Variants in HMBOX1 observed in about 807,000 individuals in gnomAD.
The protein encoded by HMBOX1 is homeobox containing 1.
In HMBOX1, 14 loss-of-function variants were observed where a neutral mutation model predicts 54.5. The observed-to-expected ratio is 0.26, with a 90% CI of 0.17 to 0.40. The LOEUF is 0.40. HMBOX1 is among the 10% of genes least tolerant of loss of function. HMBOX1 has a pLI of 1.00. For synonymous variants in HMBOX1, 160 were observed against 181.0 expected (o/e 0.88, Z 0.93); for missense variants, 332 against 514.4 (o/e 0.65, Z 3.43).
At chr8:28,913,273 C>A (rs751447365) in intron 1 of HMBOX1, among the ~76,000 whole-genome samples, 1 of 152,208 alleles carries the variant, frequency 6.6e-6, no homozygotes, top group African/African-American at 2.4e-5. Context: ...GTAAGACTCT[C>A]CAACATATTT....
chr8:29,043,462 T>TA (rs1280709933), intron 6 of HMBOX1, among the ~76,000 whole-genome samples: 1 of 152,252 alleles, frequency 6.6e-6, no homozygotes, highest in Non-Finnish European at 1.5e-5. Context: ...CACCACAGGA[T>TA]ATTGACTTAC....
At chr8:28,907,877 G>C (rs115746936) in intron 1 of HMBOX1, among the ~76,000 whole-genome samples, 1 of 146,590 alleles carries the variant, frequency 6.8e-6, no homozygotes, top group Non-Finnish European at 1.5e-5. Flanking sequence ...ACAAGTTCTC[G>C]CTCTGCTGTC....
chr8:28,926,284 T>C (rs910705221), intron 1 of HMBOX1, among the ~76,000 whole-genome samples: 1 of 129,144 alleles, frequency 7.7e-6, no homozygotes, highest in African/African-American at 3.0e-5. Flanking sequence ...TCATGGCAGA[T>C]ATATATATAT....
At chr8:29,021,875 A>T (rs927604666) in intron 6 of HMBOX1, among the ~76,000 whole-genome samples, 7 of 151,816 alleles carry the variant, frequency 4.6e-5, no homozygotes, top group African/African-American at 1.2e-4. Flanking sequence ...AAAAAAAAAA[A>T]ATGCTCAATC....
intron 4 of HMBOX1, among the ~76,000 whole-genome samples, chr8:28,982,833 A>T (rs192223996): frequency 4.6e-5 from 7 of 152,170 alleles, no homozygotes; most frequent in Admixed American, 4.6e-4. Context: ...CATATCGGCC[A>T]GGCTGGTGTC....
At chr8:29,031,531 CA>C (rs1586606426) in intron 6 of HMBOX1, among the ~76,000 whole-genome samples, 1 of 147,896 alleles carries the variant, frequency 6.8e-6, no homozygotes, top group Non-Finnish European at 1.5e-5. Context: ...TTTTTCTTGT[CA>C]TTTTTTTTTT....
chr8:29,019,163 G>A (rs1407168475), intron 6 of HMBOX1, among the ~76,000 whole-genome samples: 2 of 152,134 alleles, frequency 1.3e-5, no homozygotes, highest in East Asian at 1.9e-4. Flanking sequence ...TTTAAGAAAT[G>A]TTGGAATAAA....
chr8:28,983,443 G>T (rs1346948509), intron 4 of HMBOX1, among the ~76,000 whole-genome samples: 2 of 152,134 alleles, frequency 1.3e-5, no homozygotes, highest in South Asian at 4.1e-4. Flanking sequence ...TGTTTATCAA[G>T]ATTATCTCTG....
intron 1 of HMBOX1, among the ~76,000 whole-genome samples, chr8:28,906,618 C>T (rs1049318636): frequency 1.3e-5 from 2 of 152,098 alleles, no homozygotes; most frequent in Non-Finnish European, 2.9e-5. Flanking sequence ...GAGACAGAGT[C>T]TCACTCTGTC....
At chr8:29,028,072 C>T (rs1802352420) in intron 6 of HMBOX1, among the ~76,000 whole-genome samples, 1 of 152,092 alleles carries the variant, frequency 6.6e-6, no homozygotes, top group African/African-American at 2.4e-5. Context: ...CCCTGTCAGT[C>T]TCCAAAACAG....
At chr8:28,973,424 C>G (rs1827780319) in intron 3 of HMBOX1, among the ~76,000 whole-genome samples, 1 of 152,110 alleles carries the variant, frequency 6.6e-6, no homozygotes, top group Non-Finnish European at 1.5e-5. Context: ...GTATGAATTG[C>G]CTTAATGGGC....
intron 1 of HMBOX1, among the ~76,000 whole-genome samples, chr8:28,900,271 A>AATAT (rs1554519263): frequency 0.1 from 7,304 of 70,270 alleles, 627 homozygotes; most frequent in East Asian, 0.36. Context: ...AAAAAAAAAA[A>AATAT]ATATATATAT....
intron 1 of HMBOX1, among the ~76,000 whole-genome samples, chr8:28,900,513 C>T (rs1230431028): frequency 2.0e-5 from 3 of 151,742 alleles, no homozygotes; most frequent in Admixed American, 6.6e-5. Context: ...CTGATATTTG[C>T]CTGCCTCATA....
intron 4 of HMBOX1, among the ~76,000 whole-genome samples, chr8:28,987,416 C>A (rs1830323980): frequency 6.6e-6 from 1 of 151,996 alleles, no homozygotes; most frequent in East Asian, 1.9e-4. Flanking sequence ...GGAAGTGATA[C>A]CCCAGTAAGA....
At chr8:28,967,624 AAAGT>A (rs1586157735) in intron 2 of HMBOX1, among the ~76,000 whole-genome samples, 1 of 152,218 alleles carries the variant, frequency 6.6e-6, no homozygotes, top group Non-Finnish European at 1.5e-5. Context: ...GAAGTCATCT[AAAGT>A]AAGATCACTT....
At chr8:28,897,695 G>A (rs1425770213) in intron 1 of HMBOX1, among the ~76,000 whole-genome samples, 2 of 152,086 alleles carry the variant, frequency 1.3e-5, no homozygotes, top group Admixed American at 6.5e-5. Context: ...AACAAAAAAA[G>A]ATTTAAATTT....
chr8:28,893,747 A>T lies in HMBOX1; in HGVS notation c.-58+3069A>T, dbSNP rs550009677. On this transcript the variant is annotated intron_variant, in intron 1 of 9. Transcript: ENST00000287701. ...ATGGCAATTTTTGTGGCAAGTGTTGATTGGAATTCTATTGCTTGTTTCATA... is the reference window on the plus strand; with the variant it reads ...ATGGCAATTTTTGTGGCAAGTGTTGTTTGGAATTCTATTGCTTGTTTCATA... 1.1e-4 allele frequency among the ~76,000 whole-genome samples: 16 copies of T among 152,314 alleles called. No individual in the cohort carries two copies. The East Asian group carries it at 2.1e-3, about 20-fold the overall frequency.
chr8:28,948,157 T>G (rs1822811585), intron 1 of HMBOX1, among the ~76,000 whole-genome samples: 2 of 152,224 alleles, frequency 1.3e-5, no homozygotes, highest in African/African-American at 4.8e-5. Context: ...AGCATTCTAT[T>G]TAAATTCATT....
intron 1 of HMBOX1, among the ~76,000 whole-genome samples, chr8:28,950,137 C>T (rs1462614960): frequency 6.6e-6 from 1 of 152,184 alleles, no homozygotes; most frequent in Non-Finnish European, 1.5e-5. Flanking sequence ...TATGCCTTGA[C>T]ATTCTATTTT....
Sources: gnomAD v4.1 joint callset for allele counts (sites outside exome capture counted in the v4.1 genomes callset) on GRCh38, gnomAD v4.1.1 for gene constraint, MANE v1.5 for transcripts, NCBI Gene and HGNC (gene_info 2026-07-23, HGNC 2026-07-21) for gene names.